EDN1: variants seen among roughly 807,000 people sequenced by gnomAD.
EDN1 encodes endothelin-1.
In EDN1, 11 loss-of-function variants were observed where a neutral mutation model predicts 21.7. The observed-to-expected ratio is 0.51, with a 90% CI of 0.32 to 0.84. The LOEUF is 0.84. Among genes scored for constraint, EDN1 ranks in the 40% least tolerant of loss-of-function variants. The pLI, the probability that EDN1 is intolerant of heterozygous loss-of-function variation, is 0.03. For synonymous variants in EDN1, 85 were observed against 90.6 expected (o/e 0.94, Z 0.35); for missense variants, 244 against 262.3 (o/e 0.93, Z 0.48).
At chr6:12,258,097 G>A in the EDN1 span, among the ~76,000 whole-genome samples, 10 of 152,138 alleles carry the variant, frequency 6.6e-5, no homozygotes, top group African/African-American at 2.2e-4. Flanking sequence ...TATACAGACA[G>A]TGTATACTAA....
Position 12,294,362 on chromosome 6 carries a change from G to T in EDN1, c.491G>T (p.Arg164Ile). The T allele has an allele frequency of 6.2e-7, 1 of 1,614,158 alleles. No homozygotes were observed. The highest frequency in any genetic ancestry group is 2.2e-5 in the East Asian group (1 of 44,880). Reference protein sequence around the residue: ...KCIYQQLVRGRKIRRSSEEHL... With the variant: ...KCIYQQLVRGIKIRRSSEEHL... ...ATTTATCAGCAGTTAGTGAGAGGAA[G>T]AAAAATCAGAAGAAGTTCAGAGGAA... Residue 164 changes from arginine (R) to isoleucine (I), a missense_variant, in exon 4 of 5, where the codon AGA becomes ATA. Arg to Ile is a moderately conservative substitution (Grantham distance 97). Coordinates refer to ENST00000379375, the MANE Select transcript of EDN1 (RefSeq NM_001955.5).
chr6:12,294,483 C>A, intron 4 of EDN1, 79 bp downstream of exon 4: 1 of 1,544,574 alleles, frequency 6.5e-7, no homozygotes, highest in East Asian at 2.3e-5. Context: ...GCAGCCTGTT[C>A]CTCCAGCCCT....
At chr6:12,264,713 T>C in the EDN1 span, among the ~76,000 whole-genome samples, 25 of 152,154 alleles carry the variant, frequency 1.6e-4, no homozygotes, top group Non-Finnish European at 5.9e-5. Flanking sequence ...ATGCTGCCCA[T>C]GGGCCATGGG....
the EDN1 span, among the ~76,000 whole-genome samples, chr6:12,248,562 G>C: frequency 6.6e-6 from 1 of 152,196 alleles, no homozygotes; most frequent in African/African-American, 2.4e-5. Flanking sequence ...TGGAAGAGAG[G>C]AGACAAGAAT....
chr6:12,251,487 T>A, the EDN1 span, among the ~76,000 whole-genome samples: 1 of 152,236 alleles, frequency 6.6e-6, no homozygotes, highest in Non-Finnish European at 1.5e-5. Context: ...ATGAGCACAC[T>A]CTTAGGTGAC....
At chr6:12,292,063 G>A (rs1762694809) in intron 1 of EDN1, among the ~76,000 whole-genome samples, 1 of 152,234 alleles carries the variant, frequency 6.6e-6, no homozygotes, top group Non-Finnish European at 1.5e-5. Flanking sequence ...TGCTTCAAGA[G>A]GGGTGGGGGA....
chr6:12,232,625 G>GA, the EDN1 span, among the ~76,000 whole-genome samples: 22 of 152,026 alleles, frequency 1.4e-4, no homozygotes, highest in African/African-American at 4.6e-4. Flanking sequence ...TTATTAGAAG[G>GA]AAAAAAATGC....
At chr6:12,264,676 G>A in the EDN1 span, among the ~76,000 whole-genome samples, 1 of 152,130 alleles carries the variant, frequency 6.6e-6, no homozygotes, top group Non-Finnish European at 1.5e-5. Flanking sequence ...TTTGTGTTGG[G>A]CCACATTCAA....
Position 12,296,046 on chromosome 6 carries a change from C to A in EDN1, c.618C>A (p.Thr206=). The part of the protein sequence containing the change: ...KGKPSRERYV[T]HNRAHW ...AGCCCTCCAGAGAGCGTTATGTGAC[C>A]CACAACCGAGCACATTGGTGACAGA... The change falls in exon 5 of 5, where the codon ACC becomes ACA. Residue 206 remains threonine, a synonymous_variant. Transcript: ENST00000379375. The A allele has an allele frequency of 6.2e-7, 1 of 1,613,918 alleles. No homozygotes were observed. The highest frequency in any genetic ancestry group is 8.5e-7 in the Non-Finnish European group (1 of 1,179,950).
chr6:12,260,452 C>T, the EDN1 span, among the ~76,000 whole-genome samples: 1 of 152,130 alleles, frequency 6.6e-6, no homozygotes, highest in African/African-American at 2.4e-5. Flanking sequence ...ACCTTCATGT[C>T]TGTGAGTGGT....
the EDN1 span, among the ~76,000 whole-genome samples, chr6:12,242,874 TG>T: frequency 2.6e-5 from 4 of 152,234 alleles, no homozygotes; most frequent in African/African-American, 9.6e-5. Context: ...TTCTCCAGGC[TG>T]GGTTCAGGTC....
At chr6:12,287,383 A>C (rs929320919), upstream of EDN1, among the ~76,000 whole-genome samples, 1 of 151,938 alleles carries the variant, frequency 6.6e-6, no homozygotes, top group Non-Finnish European at 1.5e-5. Context: ...GCAGTGCCTT[A>C]AGTGGAGGAG....
rs551874067 is a variant in EDN1, at chr6:12,294,015, C to G, written c.308C>G (p.Thr103Arg). 1.1e-5 allele frequency: 17 copies of G among 1,614,194 alleles called. 2 individuals are homozygous for G. The South Asian group carries it at 1.6e-4, about 16-fold the overall frequency. ...ALENLLPTKA[T>R]DRENRCQCAS... Reference sequence around the variant, plus strand: ...GAGAATTTACTTCCCACAAAGGCAACAGACCGTGAAAATAGATGCCAATGT... The same window carrying G: ...GAGAATTTACTTCCCACAAAGGCAAGAGACCGTGAAAATAGATGCCAATGT... The change falls in exon 3 of 5, where the codon ACA becomes AGA. Residue 103 changes from threonine (T) to arginine (R), a missense_variant. By Grantham distance (71) the Thr-to-Arg change is moderately conservative. Coordinates refer to ENST00000379375, the MANE Select transcript of EDN1 (RefSeq NM_001955.5).
the EDN1 span, among the ~76,000 whole-genome samples, chr6:12,231,622 G>T: frequency 2.6e-5 from 4 of 152,158 alleles, no homozygotes; most frequent in Non-Finnish European, 5.9e-5. Context: ...CAAACACATG[G>T]TTGTCTGCAG....
the EDN1 span, among the ~76,000 whole-genome samples, chr6:12,253,415 A>G: frequency 1.3e-5 from 2 of 152,212 alleles, no homozygotes; most frequent in African/African-American, 4.8e-5. Flanking sequence ...TCTACAGGAG[A>G]ATCAGAAAAT....
At chr6:12,268,336 T>G in the EDN1 span, among the ~76,000 whole-genome samples, 1 of 152,216 alleles carries the variant, frequency 6.6e-6, no homozygotes, top group Non-Finnish European at 1.5e-5. Context: ...ATAATCCCAT[T>G]TAACTACTTT....
At chr6:12,238,976 G>T in the EDN1 span, among the ~76,000 whole-genome samples, 1 of 152,178 alleles carries the variant, frequency 6.6e-6, no homozygotes, top group Non-Finnish European at 1.5e-5. Context: ...TCTTCTCAAT[G>T]GATCTTTTAG....
chr6:12,271,522 T>G, the EDN1 span, among the ~76,000 whole-genome samples: 1 of 152,226 alleles, frequency 6.6e-6, no homozygotes, highest in African/African-American at 2.4e-5. Context: ...TTATATTGTG[T>G]GTTCCCTAAC....
At chr6:12,248,712 T>C in the EDN1 span, among the ~76,000 whole-genome samples, 4 of 152,218 alleles carry the variant, frequency 2.6e-5, no homozygotes, top group African/African-American at 9.6e-5. Flanking sequence ...CTTGTGGACT[T>C]TTTGCAAACC....
Sources: gnomAD v4.1 joint callset for allele counts (sites outside exome capture counted in the v4.1 genomes callset) on GRCh38, gnomAD v4.1.1 for gene constraint, MANE v1.5 for transcripts, NCBI Gene and HGNC (gene_info 2026-07-23, HGNC 2026-07-21) for gene names.